Variants in RPAP1 observed in about 807,000 individuals in gnomAD.
RPAP1 encodes the protein RNA polymerase II-associated protein 1.
Under a neutral mutation model 142.4 loss-of-function variants are expected in RPAP1, and 109 were observed. That is an observed-to-expected ratio of 0.77 (90% confidence interval 0.66 to 0.90). RPAP1 has a LOEUF of 0.90. Ranked by LOEUF, RPAP1 falls within the 40% of genes least tolerant of loss-of-function variation. The probability of loss-of-function intolerance (pLI) is 0.00; values close to 1 mark genes in which losing one functional copy is unlikely to be tolerated. For synonymous variants in RPAP1, 704 were observed against 738.9 expected (o/e 0.95, Z 0.77); for missense variants, 1,546 against 1,751.7 (o/e 0.88, Z 2.10).
intron 10 of RPAP1, 101 bp from the exon 11 acceptor site, chr15:41,528,128 G>A: frequency 6.6e-7 from 1 of 1,522,480 alleles, no homozygotes; most frequent in South Asian, 1.2e-5. Flanking sequence ...GTTGTTAAAA[G>A]CACATAGCTG....
rs756065925 is a variant in RPAP1 at position 41,527,924 on chromosome 15, ACT to A, written c.1362_1363del (p.Arg454SerfsTer22). 26 of 1,614,060 alleles carry A rather than the reference ACT, an allele frequency of 1.6e-5. No individual in the cohort carries two copies. The highest frequency in any genetic ancestry group is 2.1e-5 in the Non-Finnish European group (25 of 1,180,016). On this transcript the variant is annotated frameshift_variant, in exon 11 of 25. Transcript: ENST00000304330. LOFTEE classifies it high-confidence loss of function. ...GATGGCGGTTGCAATGACCCCATCCACTCTGTCATCCAAGGAGAAGCGCAGTA... is the reference window on the plus strand; with the variant it reads ...GATGGCGGTTGCAATGACCCCATCCACTGTCATCCAAGGAGAAGCGCAGTA...
chr15:41,536,353 T>A (rs2051907136), intron 3 of RPAP1, 135 bp from the exon 4 acceptor site: 2 of 1,322,398 alleles, frequency 1.5e-6, no homozygotes, highest in Non-Finnish European at 2.1e-6. Context: ...TTCAGGGCAG[T>A]GATTCTAACC....
rs1309013250 is a variant in RPAP1 at position 41,536,652 on chromosome 15, G to A, written c.182-3C>T. ...AGCTGGGGGCAAATCTGGGAGATCT[G>A]AGAAAGAAAAGATCCCAAACGTGAG... On this transcript the variant is annotated splice_polypyrimidine_tract_variant and splice_region_variant and intron_variant, in intron 2 of 24. Transcript: ENST00000304330. The A allele has an allele frequency of 6.2e-7, 1 of 1,613,240 alleles. No individual in the cohort carries two copies. The highest frequency in any genetic ancestry group is 8.5e-7 in the Non-Finnish European group (1 of 1,179,926).
Position 41,534,822 on chromosome 15 carries a change from C to A in RPAP1, c.655G>T (p.Glu219Ter). 1 of 1,614,140 alleles carries A rather than the reference C, an allele frequency of 6.2e-7. No individual in the cohort carries two copies. Among genetic ancestry groups the A allele is most frequent in the Non-Finnish European group, 8.5e-7 (1 of 1,180,018 alleles). Residue 219 changes from glutamate to a stop codon, truncating the protein, a stop_gained, in exon 6 of 25, where the codon GAA (glutamate) becomes TAA (stop). Coordinates refer to ENST00000304330, the MANE Select transcript of RPAP1 (RefSeq NM_015540.4). LOFTEE classifies it high-confidence loss of function. Reference sequence around the variant, plus strand: ...ATAGTCTGGGCTTCCTGCTCAGCTTCTTGATCCCTGAGCCCCTTCCCTGTG... The same window carrying A: ...ATAGTCTGGGCTTCCTGCTCAGCTTATTGATCCCTGAGCCCCTTCCCTGTG... Reference protein sequence around the residue: ...LVTGKGLRDQEAEQEAQTIHE... With the variant: ...LVTGKGLRDQ
chr15:41,538,529 C>CGT (rs77556515), intron 1 of RPAP1, among the ~76,000 whole-genome samples: 1 of 152,152 alleles, frequency 6.6e-6, no homozygotes, highest in Non-Finnish European at 1.5e-5. Context: ...AAAGAAAAAA[C>CGT]AAAAAAAATC....
At chr15:41,526,272 G>A (rs1032164731) in intron 14 of RPAP1, among the ~76,000 whole-genome samples, 2 of 152,170 alleles carry the variant, frequency 1.3e-5, no homozygotes, top group Admixed American at 6.5e-5. Flanking sequence ...TTGAGACGGG[G>A]TCTCGCCCTG....
intron 21 of RPAP1, among the ~76,000 whole-genome samples, chr15:41,521,464 A>G (rs2051725215): frequency 6.6e-6 from 1 of 152,166 alleles, no homozygotes; most frequent in Non-Finnish European, 1.5e-5. Context: ...AACACAGAGT[A>G]AACACTCAGT....
chr15:41,530,112 T>A, intron 7 of RPAP1, 133 bp from the exon 8 acceptor site: 1 of 699,692 alleles, frequency 1.4e-6, no homozygotes, highest in Non-Finnish European at 2.5e-6. Context: ...CGGTTATGGC[T>A]AAATGGCATG....
At chr15:41,527,360 C>G in intron 12 of RPAP1, 59 bp from the exon 13 acceptor site, 1 of 1,612,620 alleles carries the variant, frequency 6.2e-7, no homozygotes, top group Non-Finnish European at 8.5e-7. Context: ...GCATTGATGG[C>G]CCCTCTTTCC....
At position 41,523,313 on chromosome 15, in the gene RPAP1, G is replaced by A; in HGVS notation, c.2478C>T (p.Arg826=). The A allele has an allele frequency of 6.2e-7, 1 of 1,612,218 alleles. No homozygotes were observed. Among genetic ancestry groups the A allele is most frequent in the Non-Finnish European group, 8.5e-7 (1 of 1,179,182 alleles). Residue 826 remains arginine (R), a synonymous_variant, in exon 18 of 25, where the codon CGC becomes CGT. Coordinates refer to ENST00000304330, the MANE Select transcript of RPAP1 (RefSeq NM_015540.4). Reference sequence around the variant, plus strand: ...GTGGCAGCAGCAGCTCCTCTGACAGGCGCTGCATGTCCTGGAGCCAATCCT... The same window carrying A: ...GTGGCAGCAGCAGCTCCTCTGACAGACGCTGCATGTCCTGGAGCCAATCCT... ...CPEDWLQDMQ[R]LSEELLLPLL...
rs144451437 is a variant in RPAP1, at chr15:41,525,115, G to A, written c.1951C>T (p.Arg651Cys). 206 of 1,613,206 alleles carry A rather than the reference G, an allele frequency of 1.3e-4. No individual in the cohort carries two copies. Among genetic ancestry groups the A allele is most frequent in the Non-Finnish European group, 1.1e-4 (134 of 1,179,626 alleles). The part of the protein sequence containing the change: ...SSFDLRSRLC[R>C]IIAEAPQELA... ...TCTTGGGGAGCCTCAGCTATGATGC[G>A]GCACAGGCGGCTCCGGAGATCAAAG... The change falls in exon 15 of 25, where the codon CGC (arginine) becomes TGC (cysteine). Residue 651 changes from arginine (R) to cysteine (C), a missense_variant. By Grantham distance (180) the Arg-to-Cys change is radical (BLOSUM62 -3). Transcript: ENST00000304330.
Position 41,522,268 on chromosome 15 carries a change from TGTTCA to T in RPAP1, c.2743-23_2743-19del. 2 of 1,611,124 alleles carry T rather than the reference TGTTCA, an allele frequency of 1.2e-6. No homozygotes were observed. The highest frequency in any genetic ancestry group is 1.7e-6 in the Non-Finnish European group (2 of 1,178,896). On this transcript the variant is annotated intron_variant, in intron 19 of 24. Coordinates refer to ENST00000304330, the MANE Select transcript of RPAP1 (RefSeq NM_015540.4). ...GCAGCCAGCTGAGGAAAAGCAATTT[TGTTCA>T]GATCTAGAAATTGACTCTCATGCCT...
intron 1 of RPAP1, among the ~76,000 whole-genome samples, chr15:41,540,878 T>C (rs958072050): frequency 9.2e-5 from 14 of 152,162 alleles, no homozygotes; most frequent in African/African-American, 3.4e-4. Context: ...CTATTGATCT[T>C]TATAGCTGGG....
intron 14 of RPAP1, 42 bp downstream of exon 14, chr15:41,526,856 G>A: frequency 1.3e-6 from 2 of 1,559,778 alleles, no homozygotes; most frequent in South Asian, 1.2e-5. Flanking sequence ...ACCCAACCCT[G>A]TCCCATGCAT....
chr15:41,520,918 G>T lies in RPAP1; in HGVS notation c.3268C>A (p.Pro1090Thr). Reference sequence around the variant, plus strand: ...GGCAGCAGCGGCTCCGTAGGCATGGGCAGTAGCAGGGTTGGGACTCGCTGT... The same window carrying T: ...GGCAGCAGCGGCTCCGTAGGCATGGTCAGTAGCAGGGTTGGGACTCGCTGT... ...ELQRVPTLLL[P>T]MPTEPLLPTD... The change falls in exon 22 of 25, where the codon CCC becomes ACC. Residue 1090 changes from proline (P) to threonine (T), a missense_variant. By Grantham distance (38) the Pro-to-Thr change is conservative. Around this residue, in one of 3 missense-constraint regions of RPAP1, gnomAD observed 1,333 missense variants for 1,486.6 expected, o/e 0.90. Transcript: ENST00000304330. 6.2e-7 allele frequency: 1 copy of T among 1,613,382 alleles called. No individual in the cohort carries two copies. Among genetic ancestry groups the T allele is most frequent in the Non-Finnish European group, 8.5e-7 (1 of 1,179,858 alleles).
At chr15:41,521,195 T>C (rs1456881112) in intron 21 of RPAP1, 48 bp from the exon 22 acceptor site, 4 of 1,499,912 alleles carry the variant, frequency 2.7e-6, no homozygotes, top group Admixed American at 2.4e-5. Flanking sequence ...ACCACAGCAC[T>C]TGGAGGCTGT....
intron 1 of RPAP1, among the ~76,000 whole-genome samples, chr15:41,541,717 C>G (rs750658512): frequency 3.3e-5 from 5 of 150,104 alleles, no homozygotes; most frequent in African/African-American, 1.2e-4. Context: ...TGTGGTAGCA[C>G]GCGCCTGTAG....
At chr15:41,523,407 G>T in intron 17 of RPAP1, 53 bp from the exon 18 acceptor site, 1 of 1,216,082 alleles carries the variant, frequency 8.2e-7, no homozygotes, top group Non-Finnish European at 1.2e-6. Context: ...CATTCTCCTA[G>T]ACCCTGTGTA....
chr15:41,534,867 AGCTGTG>A lies in RPAP1; in HGVS notation c.604_609del (p.His202_Ser203del). On this transcript the variant is annotated inframe_deletion, in exon 6 of 25. Transcript: ENST00000304330. ...CCTGTGACCAGATTGGGTCCCTGAAAGCTGTGGCTGCTCCCAGGAAGCTGGCAGCCC... is the reference window on the plus strand; with the variant it reads ...CCTGTGACCAGATTGGGTCCCTGAAAGCTGCTCCCAGGAAGCTGGCAGCCC... The A allele has an allele frequency of 6.2e-7, 1 of 1,614,190 alleles. No individual in the cohort carries two copies. The highest frequency in any genetic ancestry group is 8.5e-7 in the Non-Finnish European group (1 of 1,180,036).
Sources: gnomAD v4.1 joint callset for allele counts (sites outside exome capture counted in the v4.1 genomes callset) on GRCh38, gnomAD v4.1.1 for gene constraint, gnomAD v4.1.1 regional missense constraint, MANE v1.5 for transcripts, NCBI Gene and HGNC (gene_info 2026-07-23, HGNC 2026-07-21) for gene names.